Variants in GABBR2 observed in about 807,000 individuals in gnomAD.
The protein encoded by GABBR2 is G-protein coupled receptor 51.
GABBR2 carries 23 observed loss-of-function variants against 105.6 expected under a neutral mutation model. The observed-to-expected ratio is 0.22, with a 90% confidence interval of 0.16 to 0.31. GABBR2 has a LOEUF of 0.31. GABBR2 is among the 10% of genes least tolerant of loss of function. GABBR2 has a pLI of 1.00. For synonymous variants in GABBR2, 478 were observed against 499.7 expected, an observed-to-expected ratio of 0.96 and a Z score of 0.58; for missense variants, 734 against 1,245.5, an observed-to-expected ratio of 0.59 and a Z score of 6.18.
At chr9:98,634,136 T>C (rs1829850183) in intron 1 of GABBR2, among the ~76,000 whole-genome samples, 1 of 152,182 alleles carries the variant, frequency 6.6e-6, no homozygotes, top group Non-Finnish European at 1.5e-5. Flanking sequence ...GAGTGCCTAT[T>C]AGGTGTAGGG....
intron 7 of GABBR2, among the ~76,000 whole-genome samples, chr9:98,422,259 T>C (rs1236653147): frequency 6.6e-6 from 1 of 152,170 alleles, no homozygotes; most frequent in African/African-American, 2.4e-5. Context: ...TGATGTTGCT[T>C]TACATCTAAT....
chr9:98,614,384 C>G (rs1329303606), intron 1 of GABBR2, among the ~76,000 whole-genome samples: 1 of 152,026 alleles, frequency 6.6e-6, no homozygotes, highest in Non-Finnish European at 1.5e-5. Context: ...ATTAGCTGGG[C>G]ATTGTGGTGC....
intron 7 of GABBR2, among the ~76,000 whole-genome samples, chr9:98,427,035 CA>C (rs1223901899): frequency 3.9e-5 from 6 of 151,910 alleles, no homozygotes; most frequent in Non-Finnish European, 8.8e-5. Context: ...CAGGTGTTAG[CA>C]AAAAAGGAAA....
intron 1 of GABBR2, among the ~76,000 whole-genome samples, chr9:98,689,906 G>C (rs1251806985): frequency 1.3e-5 from 2 of 152,082 alleles, no homozygotes; most frequent in Non-Finnish European, 2.9e-5. Flanking sequence ...TCTGACTATA[G>C]AGAATGAAAG....
At chr9:98,683,925 A>G (rs1465093320) in intron 1 of GABBR2, among the ~76,000 whole-genome samples, 1 of 149,566 alleles carries the variant, frequency 6.7e-6, no homozygotes, top group Non-Finnish European at 1.5e-5. Context: ...GGAGAATGAC[A>G]TGAACCCAGG....
intron 3 of GABBR2, among the ~76,000 whole-genome samples, chr9:98,528,954 G>A (rs560138510): frequency 1.2e-4 from 17 of 142,356 alleles, no homozygotes; most frequent in Non-Finnish European, 1.9e-4. Context: ...AAAAGTACAA[G>A]TATGAGTTTA....
intron 6 of GABBR2, among the ~76,000 whole-genome samples, chr9:98,455,057 C>A (rs1253262816): frequency 1.3e-5 from 2 of 152,216 alleles, no homozygotes; most frequent in Non-Finnish European, 2.9e-5. Context: ...TGACCCAGGG[C>A]AAGGCCCAGT....
chr9:98,390,234 T>A (rs1832154974), intron 9 of GABBR2, among the ~76,000 whole-genome samples: 1 of 151,218 alleles, frequency 6.6e-6, no homozygotes, highest in Non-Finnish European at 1.5e-5. Context: ...AATAGCTGGG[T>A]GTGCTGGTGC....
chr9:98,507,404 A>T (rs1827535058), intron 3 of GABBR2, among the ~76,000 whole-genome samples: 1 of 152,112 alleles, frequency 6.6e-6, no homozygotes, highest in Non-Finnish European at 1.5e-5. Context: ...AAAGTGGAGG[A>T]AGAGGCCAGG....
chr9:98,692,777 A>G (rs567393350), intron 1 of GABBR2, among the ~76,000 whole-genome samples: 2 of 152,348 alleles, frequency 1.3e-5, no homozygotes, highest in East Asian at 3.9e-4. Context: ...TTAGTTGTTA[A>G]AATAATACCA....
chr9:98,418,570 C>G (rs1221923991), intron 7 of GABBR2, among the ~76,000 whole-genome samples: 1 of 151,738 alleles, frequency 6.6e-6, no homozygotes, highest in Admixed American at 6.6e-5. Flanking sequence ...ACCCAAAAAT[C>G]CAAAAAACAA....
intron 1 of GABBR2, among the ~76,000 whole-genome samples, chr9:98,586,873 G>A (rs1264587462): frequency 3.3e-5 from 5 of 152,202 alleles, no homozygotes; most frequent in Non-Finnish European, 7.3e-5. Flanking sequence ...GCTGTTTCCA[G>A]CATTGTGTTT....
intron 3 of GABBR2, among the ~76,000 whole-genome samples, chr9:98,509,361 A>G (rs1564097726): frequency 2.0e-5 from 3 of 152,170 alleles, no homozygotes; most frequent in Non-Finnish European, 2.9e-5. Flanking sequence ...AAATCAGAGC[A>G]CCTCTCCTCC....
intron 7 of GABBR2, among the ~76,000 whole-genome samples, chr9:98,451,576 C>A (rs1243115895): frequency 6.6e-6 from 1 of 152,172 alleles, no homozygotes; most frequent in Non-Finnish European, 1.5e-5. Flanking sequence ...ATTAGAACCA[C>A]CTGCAGGGTT....
chr9:98,672,480 A>G (rs1341298191), intron 1 of GABBR2, among the ~76,000 whole-genome samples: 2 of 152,220 alleles, frequency 1.3e-5, no homozygotes, highest in Admixed American at 6.5e-5. Flanking sequence ...ACTACACTCA[A>G]AGTTTGAATC....
At position 98,475,354 on chromosome 9, in the gene GABBR2, AAAAAGAAAAG is replaced by A. The variant is rs534830283; in HGVS notation, c.799-2018_799-2009del. 1.5e-4 allele frequency among the ~76,000 whole-genome samples: 23 copies of A among 151,882 alleles called. No individual in the cohort carries two copies. The South Asian group carries it at 1.9e-3, about 12-fold the overall frequency. On this transcript the variant is annotated intron_variant, in intron 5 of 18. Transcript: ENST00000259455. ...TTAGTCCACAGAAACTTTAAAAAAA[AAAAAGAAAAG>A]AAAAGAAAAGAAAAGAAATGCCAGA...
chr9:98,359,775 G>A (rs115208231), intron 13 of GABBR2, among the ~76,000 whole-genome samples: 4,679 of 152,272 alleles, frequency 0.031, 142 homozygotes, highest in African/African-American at 0.08. Flanking sequence ...CGGCCGTGGC[G>A]TGCTTGCTGG....
At chr9:98,476,210 A>G (rs1231291014) in intron 5 of GABBR2, among the ~76,000 whole-genome samples, 1 of 152,242 alleles carries the variant, frequency 6.6e-6, no homozygotes, top group African/African-American at 2.4e-5. Flanking sequence ...GGAAGTTCAG[A>G]GCAGAAAATC....
At chr9:98,387,796 ATAAT>A (rs1026440467) in intron 10 of GABBR2, among the ~76,000 whole-genome samples, 3 of 132,150 alleles carry the variant, frequency 2.3e-5, no homozygotes, top group African/African-American at 5.2e-5. Context: ...ATTAATTAAA[ATAAT>A]TAATTAATTA....
Sources: gnomAD v4.1 joint callset for allele counts (sites outside exome capture counted in the v4.1 genomes callset) on GRCh38, gnomAD v4.1.1 for gene constraint, MANE v1.5 for transcripts, NCBI Gene and HGNC (gene_info 2026-07-23, HGNC 2026-07-21) for gene names.